PGAP1: variants seen among roughly 807,000 people sequenced by gnomAD.
PGAP1 encodes GPI inositol-deacylase.
PGAP1 carries 76 observed loss-of-function variants against 127.0 expected under a neutral mutation model. The ratio of observed to expected loss-of-function variants is 0.60; its 90% CI spans 0.50 to 0.72. The LOEUF (loss-of-function observed/expected upper bound fraction) is 0.72, where lower values mean the gene tolerates loss of function less well. Ranked by LOEUF, PGAP1 falls within the 30% of genes least tolerant of loss-of-function variation. The probability of loss-of-function intolerance (pLI) is 0.00; values close to 1 mark genes in which losing one functional copy is unlikely to be tolerated. For missense variants in PGAP1, 982 were observed against 1,071.3 expected (o/e 0.92, Z 1.16); for synonymous variants, 362 against 366.5 (o/e 0.99, Z 0.14).
intron 4 of PGAP1, among the ~76,000 whole-genome samples, chr2:196,905,659 C>T (rs1022947641): frequency 2.6e-5 from 4 of 151,676 alleles, no homozygotes; most frequent in Admixed American, 1.3e-4. Flanking sequence ...ACGCAGAAGA[C>T]GGGTGATTTC....
chr2:196,926,117 G>A (rs1455812715), intron 1 of PGAP1, among the ~76,000 whole-genome samples: 1 of 152,116 alleles, frequency 6.6e-6, no homozygotes, highest in Non-Finnish European at 1.5e-5. Flanking sequence ...AAGGGTTGAG[G>A]CTGCCTCTCT....
rs1451167128 is a variant in PGAP1, at chr2:196,839,340, G to A, written c.*1894C>T. 2 of 152,320 alleles carry A rather than the reference G, an allele frequency of 1.3e-5. No homozygotes were observed. Among genetic ancestry groups the A allele is most frequent in the Admixed American group, 6.5e-5 (1 of 15,286 alleles). 9.4% of individuals were successfully genotyped at this position (152,320 alleles called of 1,614,324 possible). On this transcript the variant is annotated 3_prime_UTR_variant, in exon 27 of 27. Coordinates refer to ENST00000354764, the MANE Select transcript of PGAP1 (RefSeq NM_024989.4). Reference sequence around the variant, plus strand: ...CAATGTGTATCAAAGTTGTTTATAAGTATAGTTAAACATAGGGAGATGTGT... The same window carrying A: ...CAATGTGTATCAAAGTTGTTTATAAATATAGTTAAACATAGGGAGATGTGT...
chr2:196,856,936 G>A (rs1700903304), intron 20 of PGAP1, among the ~76,000 whole-genome samples: 1 of 152,088 alleles, frequency 6.6e-6, no homozygotes, highest in African/African-American at 2.4e-5. Context: ...GCTGTGTTTT[G>A]TAATTCTCAT....
intron 5 of PGAP1, among the ~76,000 whole-genome samples, chr2:196,900,455 T>C (rs1702448388): frequency 6.6e-6 from 1 of 152,244 alleles, no homozygotes; most frequent in Admixed American, 6.5e-5. Context: ...CATTCAAAAA[T>C]TGTTACTGTT....
chr2:196,841,166 T>A lies in PGAP1; in HGVS notation c.*68A>T, dbSNP rs1258958406. 4 of 1,443,094 alleles carry A rather than the reference T, an allele frequency of 2.8e-6. No homozygotes were observed. Among genetic ancestry groups the A allele is most frequent in the Non-Finnish European group, 2.8e-6 (3 of 1,067,336 alleles). The allele number at this position is 1,443,094 out of a possible 1,614,324, so 89.4% of individuals were successfully genotyped here. On this transcript the variant is annotated 3_prime_UTR_variant, in exon 27 of 27. Coordinates refer to ENST00000354764, the MANE Select transcript of PGAP1 (RefSeq NM_024989.4). ...GGATCTTGCTGTCCATACTGATGGATCTGTGTGTTCCCTCTTATCACTGGC... is the reference window on the plus strand; with the variant it reads ...GGATCTTGCTGTCCATACTGATGGAACTGTGTGTTCCCTCTTATCACTGGC...
At chr2:196,892,527 T>A in intron 8 of PGAP1, 126 bp from the exon 9 acceptor site, 1 of 493,410 alleles carries the variant, frequency 2.0e-6, no homozygotes, top group Admixed American at 3.8e-5. Flanking sequence ...GAACACTGGC[T>A]ATATTAAAAC....
chr2:196,853,374 C>T (rs1700779480), intron 20 of PGAP1, among the ~76,000 whole-genome samples: 1 of 152,230 alleles, frequency 6.6e-6, no homozygotes, highest in African/African-American at 2.4e-5. Flanking sequence ...CTTGATACAT[C>T]TCAATTGTTC....
intron 20 of PGAP1, among the ~76,000 whole-genome samples, chr2:196,863,816 T>C (rs1217018251): frequency 6.6e-6 from 1 of 152,124 alleles, no homozygotes; most frequent in East Asian, 1.9e-4. Context: ...TGACCTCAGG[T>C]GATCCGCCCG....
At chr2:196,844,460 A>C (rs1301731585) in intron 24 of PGAP1, 64 bp downstream of exon 24, 1 of 1,166,938 alleles carries the variant, frequency 8.6e-7, no homozygotes, top group Non-Finnish European at 1.2e-6. Flanking sequence ...AAAAAAAAAA[A>C]CTCTTATATT....
At chr2:196,869,921 C>A (rs1479249596) in intron 19 of PGAP1, among the ~76,000 whole-genome samples, 2 of 152,044 alleles carry the variant, frequency 1.3e-5, no homozygotes, top group African/African-American at 4.8e-5. Context: ...GCCTGCATTG[C>A]AAAATACAAC....
At position 196,835,570 on chromosome 2, in the gene PGAP1, G is replaced by C. The variant is rs1416440474; in HGVS notation, c.*5664C>G. On this transcript the variant is annotated 3_prime_UTR_variant, in exon 27 of 27. Transcript: ENST00000354764. ...CTTGAATATTTTCAAAGAAAAATTAGGGTATGAAATATAAGTTTTCATGGT... is the reference window on the plus strand; with the variant it reads ...CTTGAATATTTTCAAAGAAAAATTACGGTATGAAATATAAGTTTTCATGGT... The C allele has an allele frequency of 6.6e-6, 1 of 152,296 alleles. No homozygotes were observed. Among genetic ancestry groups the C allele is most frequent in the African/African-American group, 2.4e-5 (1 of 41,426 alleles). The allele number at this position is 152,296 out of a possible 1,614,324, so 9.4% of individuals were successfully genotyped here. A position where few individuals can be genotyped will look rare whatever the true frequency, so the allele number is the denominator to read the frequency against.
At position 196,902,733 on chromosome 2, in the gene PGAP1, G is replaced by A. The variant is rs774987863; in HGVS notation, c.659C>T (p.Thr220Met). The A allele has an allele frequency of 4.9e-5, 78 of 1,599,134 alleles. No individual in the cohort carries two copies. Among genetic ancestry groups the A allele is most frequent in the Middle Eastern group, 1.7e-4 (1 of 6,006 alleles). ...PLDRFITDFY[T>M]TVNNYWILNA... ...TAGAATCCAATAGTTGTTTACAGTC[G>A]TATAAAAATCTGGTGGGGAATAAAA... The change falls in exon 5 of 27, where the codon ACG becomes ATG. Residue 220 changes from threonine (T) to methionine (M), a missense_variant. Physicochemically the swap from Thr to Met is moderately conservative, Grantham distance 81. Coordinates refer to ENST00000354764, the MANE Select transcript of PGAP1 (RefSeq NM_024989.4).
At chr2:196,892,919 AT>A (rs1017101227) in intron 8 of PGAP1, among the ~76,000 whole-genome samples, 7 of 151,980 alleles carry the variant, frequency 4.6e-5, no homozygotes, top group African/African-American at 1.7e-4. Flanking sequence ...TCAAGACAAA[AT>A]TTTTACCAGC....
chr2:196,870,887 G>C, intron 19 of PGAP1, 54 bp downstream of exon 19: 1 of 1,472,240 alleles, frequency 6.8e-7, no homozygotes, highest in East Asian at 2.3e-5. Flanking sequence ...CCCTTCCTTA[G>C]AGTTATCTAT....
rs572992003 is a variant in PGAP1, at chr2:196,872,478, A to G, written c.1691T>C (p.Leu564Ser). The G allele has an allele frequency of 6.7e-5, 108 of 1,613,040 alleles. No homozygotes were observed. The highest frequency in any genetic ancestry group is 6.7e-5 in the Admixed American group (4 of 60,012). Residue 564 changes from leucine to serine, a missense_variant, in exon 18 of 27, where the codon TTA becomes TCA. Physicochemically the swap from Leu to Ser is moderately radical, Grantham distance 145. Coordinates refer to ENST00000354764, the MANE Select transcript of PGAP1 (RefSeq NM_024989.4). Reference protein sequence around the residue: ...AQPENNTHVALFKMYTSSDCR... With the variant: ...AQPENNTHVASFKMYTSSDCR... ...GTCTGATGACGTGTACATTTTAAAT[A>G]ATGCCACATGGGTATTGTTTTCTGG...
intron 12 of PGAP1, among the ~76,000 whole-genome samples, chr2:196,884,100 T>G (rs145454953): frequency 3.9e-5 from 6 of 152,330 alleles, no homozygotes; most frequent in Admixed American, 3.9e-4. Flanking sequence ...ATTTAAGAAA[T>G]ACCTTTTAAA....
chr2:196,865,712 CTA>C (rs548123935), intron 19 of PGAP1, among the ~76,000 whole-genome samples: 203 of 152,164 alleles, frequency 1.3e-3, no homozygotes, highest in African/African-American at 4.6e-3. Context: ...TCTTATGGAA[CTA>C]TAAGTTTTAA....
chr2:196,865,234 T>C (rs1701201487), intron 19 of PGAP1, among the ~76,000 whole-genome samples, 154 bp from the exon 20 acceptor site: 2 of 152,144 alleles, frequency 1.3e-5, no homozygotes, highest in Admixed American at 6.5e-5. Flanking sequence ...GTAAAATAAA[T>C]GTTGAAAATA....
At chr2:196,870,197 G>T (rs1029092379) in intron 19 of PGAP1, among the ~76,000 whole-genome samples, 2 of 151,894 alleles carry the variant, frequency 1.3e-5, no homozygotes, top group East Asian at 3.9e-4. Flanking sequence ...AATATAAAAA[G>T]TTATTTGAAA....
Sources: allele counts gnomAD v4.1 joint callset (sites outside exome capture counted in the v4.1 genomes callset), GRCh38; gene constraint gnomAD v4.1.1; transcripts MANE v1.5; gene names NCBI Gene and HGNC (gene_info 2026-07-23, HGNC 2026-07-21).